The following TCF7 variants were observed in gnomAD, a reference collection of about 807,000 sequenced individuals.
The protein encoded by TCF7 is transcription factor 7, also known as T-cell-factor-7.
In TCF7, 19 loss-of-function variants were observed where a neutral mutation model predicts 46.8. That is an observed-to-expected ratio of 0.41 (90% CI 0.28 to 0.60). TCF7 has a LOEUF of 0.60. Ranked by LOEUF, TCF7 falls within the 20% of genes least tolerant of loss-of-function variation. The probability of loss-of-function intolerance (pLI) is 0.35; values close to 1 mark genes in which losing one functional copy is unlikely to be tolerated. For missense variants in TCF7, 547 were observed against 504.6 expected, an observed-to-expected ratio of 1.08 and a Z score of -0.81; for synonymous variants, 245 against 213.4, an observed-to-expected ratio of 1.15 and a Z score of -1.29.
chr5:134,141,057 C>G, intron 5 of TCF7: 1 of 313,596 alleles, frequency 3.2e-6, no homozygotes, highest in Non-Finnish European at 6.3e-6. Context: ...GAAGCTAGTG[C>G]AAGTGCCAAG....
At chr5:134,133,629 G>A (rs1029244267) in intron 3 of TCF7, among the ~76,000 whole-genome samples, 1 of 152,140 alleles carries the variant, frequency 6.6e-6, no homozygotes, top group Admixed American at 6.5e-5. Flanking sequence ...GCGGGCTGGG[G>A]ATTGAGGCTA....
intron 3 of TCF7, among the ~76,000 whole-genome samples, chr5:134,128,002 T>C (rs899982665): frequency 6.6e-6 from 1 of 152,252 alleles, no homozygotes; most frequent in Admixed American, 6.5e-5. Flanking sequence ...CTGGATGTTT[T>C]ACAATGGAGA....
intron 5 of TCF7, 198 bp downstream of exon 5, chr5:134,139,236 A>G (rs115623173): frequency 0.014 from 10,860 of 759,790 alleles, 105 homozygotes; most frequent in Non-Finnish European, 0.016. Flanking sequence ...TGCATTCCCC[A>G]GGGAGCCTGA....
At chr5:134,132,046 C>G (rs1198905325) in intron 3 of TCF7, among the ~76,000 whole-genome samples, 1 of 152,216 alleles carries the variant, frequency 6.6e-6, no homozygotes, top group Admixed American at 6.5e-5. Flanking sequence ...GTCACCCTGA[C>G]CAGCCAGGCT....
At position 134,146,398 on chromosome 5, in the gene TCF7, A is replaced by G; in HGVS notation, c.*95A>G. On this transcript the variant is annotated 3_prime_UTR_variant, in exon 10 of 10. Coordinates refer to ENST00000342854, the MANE Select transcript of TCF7 (RefSeq NM_003202.5). ...TGCTTACTAGCCCTGCGGAGCCGGC[A>G]CCTACATCCCCAGGTCTCTCCACTG... The G allele has an allele frequency of 6.8e-7, 1 of 1,460,906 alleles. No individual in the cohort carries two copies. The highest frequency in any genetic ancestry group is 1.1e-5 in the South Asian group (1 of 88,014). 90.5% of individuals were successfully genotyped at this position (1,460,906 alleles called of 1,614,324 possible).
In TCF7 at chr5:134,146,413, T is replaced by A; in HGVS notation, c.*110T>A. The stretch of plus-strand genomic sequence containing the variant: ...CGGAGCCGGCACCTACATCCCCAGG[T>A]CTCTCCACTGCTCTCAGCCTCCCAA... On this transcript the variant is annotated 3_prime_UTR_variant, in exon 10 of 10. Transcript: ENST00000342854. The A allele has an allele frequency of 7.5e-7, 1 of 1,332,052 alleles. No homozygotes were observed. The highest frequency in any genetic ancestry group is 1.1e-6 in the Non-Finnish European group (1 of 923,954). 82.5% of individuals were successfully genotyped at this position (1,332,052 alleles called of 1,614,324 possible). A position where few individuals can be genotyped will look rare whatever the true frequency, so the allele number is the denominator to read the frequency against.
At position 134,146,679 on chromosome 5, in the gene TCF7, C is replaced by T; in HGVS notation, c.*376C>T. 1.6e-6 allele frequency: 1 copy of T among 630,126 alleles called. No homozygotes were observed. Among genetic ancestry groups the T allele is most frequent in the Non-Finnish European group, 2.8e-6 (1 of 356,390 alleles). The allele number at this position is 630,126 out of a possible 1,614,324, so 39.0% of individuals were successfully genotyped here. On this transcript the variant is annotated 3_prime_UTR_variant, in exon 10 of 10. Coordinates refer to ENST00000342854, the MANE Select transcript of TCF7 (RefSeq NM_003202.5). ...CAGGACTTCTGCCTGAACCTGGGGT[C>T]ATCGATTCAAACTGCTCCAAGTGGT...
chr5:134,145,041 T>C (rs560239468), intron 9 of TCF7: 1 of 655,734 alleles, frequency 1.5e-6, no homozygotes, highest in African/African-American at 1.8e-5. Context: ...ACACAGCGCG[T>C]GGAGAAGACC....
At chr5:134,139,338 T>C (rs988142301) in intron 5 of TCF7, 1 of 384,966 alleles carries the variant, frequency 2.6e-6, no homozygotes, top group Non-Finnish European at 4.8e-6. Flanking sequence ...GGGAGAACTC[T>C]GGGCTGCTAA....
Position 134,114,854 on chromosome 5 carries a change from C to A in TCF7, c.-53C>A. 4.1e-6 allele frequency: 4 copies of A among 982,708 alleles called. No individual in the cohort carries two copies. The highest frequency in any genetic ancestry group is 4.8e-6 in the Non-Finnish European group (4 of 829,616). The allele number at this position is 982,708 out of a possible 1,614,324, so 60.9% of individuals were successfully genotyped here. A position where few individuals can be genotyped will look rare whatever the true frequency, so the allele number is the denominator to read the frequency against. ...CTCGCCGCCCCCCGGGCCGGCTCCGCGCCCCGCACTCCCGGCGCCCAGCGC... is the reference window on the plus strand; with the variant it reads ...CTCGCCGCCCCCCGGGCCGGCTCCGAGCCCCGCACTCCCGGCGCCCAGCGC... On this transcript the variant is annotated 5_prime_UTR_variant, in exon 1 of 10. Coordinates refer to ENST00000342854, the MANE Select transcript of TCF7 (RefSeq NM_003202.5).
intron 3 of TCF7, among the ~76,000 whole-genome samples, chr5:134,136,608 T>C (rs1241622109): frequency 6.6e-6 from 1 of 152,154 alleles, no homozygotes; most frequent in Non-Finnish European, 1.5e-5. Context: ...CAGCAGGGCT[T>C]ATACCCAGCC....
intron 3 of TCF7, 70 bp downstream of exon 3, chr5:134,116,103 C>G (rs774544861): frequency 5.2e-6 from 8 of 1,526,338 alleles, no homozygotes; most frequent in Non-Finnish European, 7.0e-6. Context: ...GAGGCACCGG[C>G]AAGAGACTTC....
At chr5:134,142,503 G>C (rs1371812276) in intron 6 of TCF7, among the ~76,000 whole-genome samples, 199 bp downstream of exon 6, 1 of 152,186 alleles carries the variant, frequency 6.6e-6, no homozygotes, top group Non-Finnish European at 1.5e-5. Context: ...GGGCTCAGAA[G>C]TCCTTAACAC....
At chr5:134,114,606 G>C (rs552660646), upstream of TCF7, 5 of 151,530 alleles carry the variant, frequency 3.3e-5, no homozygotes, top group Admixed American at 1.3e-4. Flanking sequence ...GGCCTCTCCC[G>C]GGAGAGGAGA....
At chr5:134,132,381 C>G (rs1373545335) in intron 3 of TCF7, among the ~76,000 whole-genome samples, 1 of 152,224 alleles carries the variant, frequency 6.6e-6, no homozygotes, top group Non-Finnish European at 1.5e-5. Flanking sequence ...TAAATACACC[C>G]TGACCAAATG....
At chr5:134,142,933 A>C in intron 7 of TCF7, 50 bp downstream of exon 7, 1 of 1,611,486 alleles carries the variant, frequency 6.2e-7, no homozygotes, top group Non-Finnish European at 8.5e-7. Context: ...GACCATCTTC[A>C]GCCTGGTGCA....
chr5:134,114,938 C>A lies in TCF7; in HGVS notation c.32C>A (p.Ala11Glu). 9.1e-7 allele frequency: 1 copy of A among 1,098,094 alleles called. No individual in the cohort carries two copies. The highest frequency in any genetic ancestry group is 1.1e-6 in the Non-Finnish European group (1 of 891,386). The allele number at this position is 1,098,094 out of a possible 1,614,324, so 68.0% of individuals were successfully genotyped here. A position where few individuals can be genotyped will look rare whatever the true frequency, so the allele number is the denominator to read the frequency against. MPQLDSGGGG[A>E]GGGDDLGAPD... ...CAGCTGGACTCCGGCGGGGGCGGCGCGGGCGGCGGCGACGACCTCGGCGCG... is the reference window on the plus strand; with the variant it reads ...CAGCTGGACTCCGGCGGGGGCGGCGAGGGCGGCGGCGACGACCTCGGCGCG... The change falls in exon 1 of 10, where the codon GCG (alanine) becomes GAG (glutamate). Residue 11 changes from alanine (A) to glutamate (E), a missense_variant. Transcript: ENST00000342854.
intron 8 of TCF7, 118 bp downstream of exon 8, chr5:134,143,218 G>T: frequency 8.9e-7 from 1 of 1,129,444 alleles, no homozygotes; most frequent in Non-Finnish European, 1.3e-6. Flanking sequence ...CGATGAGGAA[G>T]GGCACGGAGG....
At chr5:134,145,861 C>G (rs768204785) in intron 9 of TCF7, 1 of 1,603,090 alleles carries the variant, frequency 6.2e-7, no homozygotes, top group African/African-American at 1.3e-5. Context: ...GGCATTGCGG[C>G]CCCTTGCCTT....
Sources: allele counts gnomAD v4.1 joint callset (sites outside exome capture counted in the v4.1 genomes callset), GRCh38; gene constraint gnomAD v4.1.1; transcripts MANE v1.5; gene names NCBI Gene and HGNC (gene_info 2026-07-23, HGNC 2026-07-21).